The following ITPKB variants were observed in gnomAD, a reference collection of about 807,000 sequenced individuals.
ITPKB encodes the protein IP3 3-kinase B.
Under a neutral mutation model 69.4 loss-of-function variants are expected in ITPKB, and 13 were observed. The ratio of observed to expected loss-of-function variants is 0.19; its 90% confidence interval spans 0.12 to 0.30. The LOEUF is 0.30. Among genes scored for constraint, ITPKB ranks in the 10% least tolerant of loss-of-function variants. The pLI is 1.00. For missense variants in ITPKB, 1,240 were observed against 1,250.5 expected (o/e 0.99, Z 0.13); for synonymous variants, 584 against 513.7 (o/e 1.14, Z -1.85).
intron 2 of ITPKB, chr1:226,659,657 AGATGCAGGATGTGG>A (rs1395208508): frequency 1.3e-5 from 2 of 151,502 alleles, no homozygotes; most frequent in Non-Finnish European, 2.9e-5. Flanking sequence ...AGCTGGAGGG[AGATGCAGGATGTGG>A]ATACGCAGAA....
At chr1:226,696,128 C>T (rs1372876721) in intron 2 of ITPKB, among the ~76,000 whole-genome samples, 2 of 152,192 alleles carry the variant, frequency 1.3e-5, no homozygotes, top group Admixed American at 1.3e-4. Flanking sequence ...ATTCACTATG[C>T]TGGATTAAAA....
intron 2 of ITPKB, among the ~76,000 whole-genome samples, chr1:226,658,254 G>T (rs972170928): frequency 1.3e-5 from 2 of 152,226 alleles, no homozygotes; most frequent in Non-Finnish European, 2.9e-5. Context: ...CTGCAGAGTG[G>T]AGGCGGTGGC....
chr1:226,668,273 A>G (rs1424103828), intron 2 of ITPKB, among the ~76,000 whole-genome samples: 1 of 152,224 alleles, frequency 6.6e-6, no homozygotes, highest in Non-Finnish European at 1.5e-5. Flanking sequence ...AAGTTAATTC[A>G]AATAACTCAT....
chr1:226,735,425 T>C, intron 2 of ITPKB, 102 bp downstream of exon 2: 2 of 1,315,280 alleles, frequency 1.5e-6, no homozygotes, highest in East Asian at 2.7e-5. Flanking sequence ...CTGGTCTGAG[T>C]TTTCATGACT....
chr1:226,724,754 G>T (rs529580224), intron 2 of ITPKB, among the ~76,000 whole-genome samples: 1 of 152,158 alleles, frequency 6.6e-6, no homozygotes, highest in Non-Finnish European at 1.5e-5. Context: ...AACCCCTGCC[G>T]AGCTCTCCTG....
rs1050128953 is a variant in ITPKB at position 226,652,762 on chromosome 1, C to T, written c.1933-3991G>A. 2.0e-5 allele frequency among the ~76,000 whole-genome samples: 3 copies of T among 152,236 alleles called. No individual in the cohort carries two copies. In the East Asian group the frequency reaches 5.8e-4, roughly 29 times the overall value. On this transcript the variant is annotated intron_variant, in intron 2 of 7. Transcript: ENST00000429204. ...TCGAGACATCCCTTGTGGACACCTC[C>T]CGGAGTGCTCCCAAAGCTCCCTATG...
intron 2 of ITPKB, among the ~76,000 whole-genome samples, chr1:226,718,034 C>A (rs1657136881): frequency 6.6e-6 from 1 of 152,358 alleles, no homozygotes; most frequent in East Asian, 1.9e-4. Context: ...GTAGCTCACG[C>A]CTGTAATCCC....
At chr1:226,690,647 G>A (rs748562018) in intron 2 of ITPKB, among the ~76,000 whole-genome samples, 2 of 152,116 alleles carry the variant, frequency 1.3e-5, no homozygotes, top group African/African-American at 2.4e-5. Context: ...TAGTATTTAC[G>A]TCAACTGAGA....
rs1571830544 is a variant in ITPKB, at chr1:226,633,244, T to G, written c.*1427A>C. ...CAGTTCCCCAGAGACCCCGGGGTGG[T>G]GGGGTGGGCAGTGGTTCCTCCAGAC... On this transcript the variant is annotated 3_prime_UTR_variant, in exon 8 of 8. Transcript: ENST00000429204. 2.0e-5 allele frequency: 3 copies of G among 152,204 alleles called. No individual in the cohort carries two copies. Among genetic ancestry groups the G allele is most frequent in the African/African-American group, 7.2e-5 (3 of 41,480 alleles). 9.4% of individuals were successfully genotyped at this position (152,204 alleles called of 1,614,324 possible). A position where few individuals can be genotyped will look rare whatever the true frequency, so the allele number is the denominator to read the frequency against.
intron 2 of ITPKB, among the ~76,000 whole-genome samples, chr1:226,717,986 T>C (rs952969486): frequency 2.0e-5 from 3 of 152,170 alleles, no homozygotes; most frequent in Non-Finnish European, 4.4e-5. Context: ...AAAATTAACA[T>C]CGCCAGCCAT....
intron 2 of ITPKB, among the ~76,000 whole-genome samples, chr1:226,703,960 TAAA>T (rs534025076): frequency 4.7e-5 from 7 of 150,078 alleles, no homozygotes; most frequent in African/African-American, 7.3e-5. Flanking sequence ...CAAGAGCTAA[TAAA>T]AAAAAAATCT....
intron 2 of ITPKB, among the ~76,000 whole-genome samples, chr1:226,649,100 G>A (rs1669118990): frequency 6.6e-6 from 1 of 152,232 alleles, no homozygotes; most frequent in African/African-American, 2.4e-5. Flanking sequence ...AGGCACCAGA[G>A]GCACCTCTTG....
intron 2 of ITPKB, among the ~76,000 whole-genome samples, chr1:226,666,081 C>G (rs1023726115): frequency 2.6e-5 from 4 of 152,154 alleles, no homozygotes; most frequent in Non-Finnish European, 5.9e-5. Context: ...CAGACATGAC[C>G]GCAGAGGGCT....
intron 2 of ITPKB, among the ~76,000 whole-genome samples, chr1:226,652,161 G>T (rs1285547593): frequency 2.6e-5 from 4 of 152,244 alleles, no homozygotes; most frequent in Non-Finnish European, 4.4e-5. Context: ...GGTCCAGGCT[G>T]GGGGAAGGAG....
At chr1:226,707,395 C>G (rs775836552) in intron 2 of ITPKB, 10 of 314,902 alleles carry the variant, frequency 3.2e-5, no homozygotes, top group African/African-American at 4.5e-5. Context: ...CGGGGTTTCA[C>G]CATGTTGGCC....
chr1:226,687,710 C>T (rs1415753025), intron 2 of ITPKB, among the ~76,000 whole-genome samples: 1 of 152,204 alleles, frequency 6.6e-6, no homozygotes, highest in Non-Finnish European at 1.5e-5. Context: ...CTCCTGTGGC[C>T]TTGCTTGGCA....
At chr1:226,728,188 A>G (rs1169365333) in intron 2 of ITPKB, among the ~76,000 whole-genome samples, 2 of 152,190 alleles carry the variant, frequency 1.3e-5, no homozygotes, top group Admixed American at 1.3e-4. Flanking sequence ...TTGCTTACTT[A>G]TAAAACTTAC....
At chr1:226,659,663 AG>A (rs1458165378) in intron 2 of ITPKB, 2 of 151,218 alleles carry the variant, frequency 1.3e-5, no homozygotes, top group Non-Finnish European at 2.9e-5. Flanking sequence ...AGGGAGATGC[AG>A]GATGTGGATA....
chr1:226,693,766 T>C (rs1351110515), intron 2 of ITPKB, among the ~76,000 whole-genome samples: 1 of 152,252 alleles, frequency 6.6e-6, no homozygotes, highest in East Asian at 1.9e-4. Context: ...GCTGACACCA[T>C]GGGTCAGAGG....
Sources: gnomAD v4.1 joint callset for allele counts (sites outside exome capture counted in the v4.1 genomes callset) on GRCh38, gnomAD v4.1.1 for gene constraint, MANE v1.5 for transcripts, NCBI Gene and HGNC (gene_info 2026-07-23, HGNC 2026-07-21) for gene names.